Variants in DOK6 observed in about 807,000 individuals in gnomAD.
DOK6 encodes docking protein 6, also known as downstream of tyrosine kinase 6.
Under a neutral mutation model 44.0 loss-of-function variants are expected in DOK6, and 22 were observed. The observed-to-expected ratio is 0.50, with a 90% CI of 0.36 to 0.71. DOK6 has a LOEUF of 0.71. Ranked by LOEUF, DOK6 falls within the 30% of genes least tolerant of loss-of-function variation. The pLI, the probability that DOK6 is intolerant of heterozygous loss-of-function variation, is 0.00. For missense variants in DOK6, 340 were observed against 416.4 expected, an observed-to-expected ratio of 0.82 and a Z score of 1.60; for synonymous variants, 166 against 145.5, an observed-to-expected ratio of 1.14 and a Z score of -1.01.
chr18:69,519,926 C>T (rs2144563705), intron 1 of DOK6, among the ~76,000 whole-genome samples: 1 of 151,800 alleles, frequency 6.6e-6, no homozygotes, highest in East Asian at 1.9e-4. Context: ...TTTTTAATTT[C>T]CAATTTTAAA....
At chr18:69,417,438 T>C (rs1234874777) in intron 1 of DOK6, among the ~76,000 whole-genome samples, 1 of 152,176 alleles carries the variant, frequency 6.6e-6, no homozygotes, top group African/African-American at 2.4e-5. Flanking sequence ...TGTGTATATA[T>C]ACCACATTTT....
In DOK6 at chr18:69,770,087, G is replaced by T. The variant is rs543498187; in HGVS notation, c.856+12214G>T. Among the ~76,000 whole-genome samples the T allele has an allele frequency of 9.2e-5, 14 of 152,300 alleles. No homozygotes were observed. The South Asian group carries it at 2.7e-3, about 29-fold the overall frequency. On this transcript the variant is annotated intron_variant, in intron 7 of 7. Coordinates refer to ENST00000382713, the MANE Select transcript of DOK6 (RefSeq NM_152721.6). ...AACCACAAAAACCCCTGAAAGGGTA[G>T]ATCGTTAGGAGTGGCGTTTTTATAA...
At chr18:69,420,813 G>T (rs192598534) in intron 1 of DOK6, among the ~76,000 whole-genome samples, 63 of 152,254 alleles carry the variant, frequency 4.1e-4, no homozygotes, top group Non-Finnish European at 6.8e-4. Flanking sequence ...TGAGGATGCC[G>T]ATTGGTGTGC....
At chr18:69,547,154 G>A (rs1388877308) in intron 1 of DOK6, among the ~76,000 whole-genome samples, 1 of 151,648 alleles carries the variant, frequency 6.6e-6, no homozygotes, top group Non-Finnish European at 1.5e-5. Context: ...AGGCTGGAGT[G>A]CAGTGGTGTG....
chr18:69,674,306 A>G (rs1275704410), intron 3 of DOK6, among the ~76,000 whole-genome samples: 1 of 152,254 alleles, frequency 6.6e-6, no homozygotes, highest in Non-Finnish European at 1.5e-5. Flanking sequence ...TATACAGACT[A>G]CAAAGGTTAA....
At chr18:69,618,833 G>A (rs1425557873) in intron 3 of DOK6, 2 of 152,018 alleles carry the variant, frequency 1.3e-5, no homozygotes, top group Admixed American at 6.6e-5. Flanking sequence ...TATCAAGTTA[G>A]GACTTTGTTT....
At chr18:69,569,126 G>A (rs987989012) in intron 2 of DOK6, among the ~76,000 whole-genome samples, 1 of 152,000 alleles carries the variant, frequency 6.6e-6, no homozygotes, top group Non-Finnish European at 1.5e-5. Flanking sequence ...GGGAACTGCT[G>A]ACTAAAACAA....
chr18:69,715,628 GA>G (rs959454310), intron 5 of DOK6, among the ~76,000 whole-genome samples: 1 of 152,172 alleles, frequency 6.6e-6, no homozygotes, highest in African/African-American at 2.4e-5. Context: ...CTTTGCAGAT[GA>G]ATGAATTCTT....
intron 7 of DOK6, among the ~76,000 whole-genome samples, chr18:69,784,777 GT>G (rs1980381728): frequency 6.6e-6 from 1 of 152,082 alleles, no homozygotes; most frequent in East Asian, 1.9e-4. Flanking sequence ...TTCACACTGT[GT>G]TTTTCAAAAG....
intron 5 of DOK6, among the ~76,000 whole-genome samples, chr18:69,720,979 T>G (rs138581239): frequency 2.0e-5 from 3 of 152,314 alleles, no homozygotes; most frequent in African/African-American, 7.2e-5. Flanking sequence ...AAAAGGATAT[T>G]TGTAGGTTAA....
intron 1 of DOK6, among the ~76,000 whole-genome samples, chr18:69,536,705 T>A (rs1045254067): frequency 3.3e-5 from 5 of 152,090 alleles, no homozygotes; most frequent in Non-Finnish European, 7.4e-5. Flanking sequence ...AAGATAGAGA[T>A]ACACCCTGTG....
In DOK6 at chr18:69,841,317, G is replaced by A. The variant is rs781553155; in HGVS notation, c.930G>A (p.Glu310=). 2 of 1,614,192 alleles carry A rather than the reference G, an allele frequency of 1.2e-6. No individual in the cohort carries two copies. Among genetic ancestry groups the A allele is most frequent in the Non-Finnish European group, 1.7e-6 (2 of 1,180,044 alleles). ...GCTACGCCCCAGAACAGAGTGAAGA[G>A]GCCCAGCAGCCGTTGTCGCGGTCCA... ...FPSYAPEQSE[E]AQQPLSRSSS... is the part of the protein sequence containing the mutation. Residue 310 remains glutamate, a synonymous_variant, in exon 8 of 8, where the codon GAG becomes GAA. Coordinates refer to ENST00000382713, the MANE Select transcript of DOK6 (RefSeq NM_152721.6).
intron 1 of DOK6, among the ~76,000 whole-genome samples, chr18:69,428,765 T>A (rs1978714152): frequency 6.6e-6 from 1 of 152,192 alleles, no homozygotes; most frequent in Admixed American, 6.5e-5. Context: ...TTATAAACTC[T>A]AATAAATTTT....
chr18:69,757,188 T>C (rs906600854), intron 6 of DOK6, among the ~76,000 whole-genome samples: 2 of 152,176 alleles, frequency 1.3e-5, no homozygotes, highest in East Asian at 3.8e-4. Flanking sequence ...ATGTACAAGA[T>C]TCTATAACAG....
intron 3 of DOK6, among the ~76,000 whole-genome samples, chr18:69,628,725 G>T (rs941739491): frequency 6.6e-6 from 1 of 152,106 alleles, no homozygotes; most frequent in African/African-American, 2.4e-5. Flanking sequence ...ATCTCTGAGC[G>T]TATCTCTAAA....
At position 69,423,777 on chromosome 18, in the gene DOK6, A is replaced by G. The variant is rs111767099; in HGVS notation, c.66+22467A>G. ...GTTATGAAATATTCCAAACATACAA[A>G]GAACATAAACTTTTCTTAAAACATA... On this transcript the variant is annotated intron_variant, in intron 1 of 7. Coordinates refer to ENST00000382713, the MANE Select transcript of DOK6 (RefSeq NM_152721.6). 1.1e-3 allele frequency among the ~76,000 whole-genome samples: 163 copies of G among 152,370 alleles called. 1 individual carries two copies. Among genetic ancestry groups the G allele is most frequent in the African/African-American group, 3.7e-3 (153 of 41,600 alleles).
intron 3 of DOK6, among the ~76,000 whole-genome samples, chr18:69,605,781 C>G (rs1983980600): frequency 6.6e-6 from 1 of 151,860 alleles, no homozygotes; most frequent in African/African-American, 2.4e-5. Flanking sequence ...ACCGCTACAT[C>G]ACACTTAAGA....
intron 3 of DOK6, 59 bp downstream of exon 3, chr18:69,599,557 C>A: frequency 7.1e-7 from 1 of 1,398,652 alleles, no homozygotes; most frequent in South Asian, 1.2e-5. Context: ...GAGACAATGG[C>A]CCAGGCGGAT....
chr18:69,494,203 T>G (rs552781089), intron 1 of DOK6, among the ~76,000 whole-genome samples: 6 of 152,228 alleles, frequency 3.9e-5, no homozygotes, highest in Non-Finnish European at 5.9e-5. Context: ...AGGCCAGGCT[T>G]GGTGGCTCAT....
Sources: allele counts gnomAD v4.1 joint callset (sites outside exome capture counted in the v4.1 genomes callset), GRCh38; gene constraint gnomAD v4.1.1; transcripts MANE v1.5; gene names NCBI Gene and HGNC (gene_info 2026-07-23, HGNC 2026-07-21).